Variants in ACTL8 observed in about 807,000 individuals in gnomAD.
ACTL8 encodes the protein actin like 8.
A neutral mutation model predicts 9.3 loss-of-function variants in ACTL8; 3 were observed. That is an observed-to-expected ratio of 0.32 (90% CI 0.15 to 0.83). ACTL8 has a LOEUF of 0.83. Ranked by LOEUF, ACTL8 falls within the 40% of genes least tolerant of loss-of-function variation. The pLI, the probability that ACTL8 is intolerant of heterozygous loss-of-function variation, is 0.57. For missense variants in ACTL8, 381 were observed against 492.2 expected, an observed-to-expected ratio of 0.77 and a Z score of 2.14; for synonymous variants, 224 against 205.9, an observed-to-expected ratio of 1.09 and a Z score of -0.75.
intron 1 of ACTL8, among the ~76,000 whole-genome samples, chr1:17,782,661 C>T (rs1292599636): frequency 6.6e-6 from 1 of 152,204 alleles, no homozygotes; most frequent in Non-Finnish European, 1.5e-5. Flanking sequence ...GGTTGTACTG[C>T]ACCTTAACCA....
At chr1:17,807,790 A>C (rs1195372439) in intron 1 of ACTL8, among the ~76,000 whole-genome samples, 1 of 152,014 alleles carries the variant, frequency 6.6e-6, no homozygotes, top group Non-Finnish European at 1.5e-5. Context: ...TGGGAGTTGA[A>C]TAATGAGAAC....
chr1:17,798,248 A>G (rs2066292741), intron 1 of ACTL8, among the ~76,000 whole-genome samples: 1 of 150,476 alleles, frequency 6.6e-6, no homozygotes, highest in Non-Finnish European at 1.5e-5. Context: ...TCATCACTTC[A>G]TGCCACAAAT....
chr1:17,783,226 G>A (rs1042692758), intron 1 of ACTL8, among the ~76,000 whole-genome samples: 1 of 152,184 alleles, frequency 6.6e-6, no homozygotes, highest in South Asian at 2.1e-4. Context: ...TCCACATGTT[G>A]TGGGAGGGAC....
At chr1:17,814,168 G>C (rs1417055799) in intron 1 of ACTL8, among the ~76,000 whole-genome samples, 1 of 152,114 alleles carries the variant, frequency 6.6e-6, no homozygotes, top group Non-Finnish European at 1.5e-5. Context: ...TTATAATATT[G>C]TAGTTGTACT....
At chr1:17,779,247 C>T (rs567684155) in intron 1 of ACTL8, among the ~76,000 whole-genome samples, 10 of 152,152 alleles carry the variant, frequency 6.6e-5, no homozygotes, top group Non-Finnish European at 1.0e-4. Flanking sequence ...AACCCCTTCT[C>T]ACCTCCTTCA....
intron 1 of ACTL8, among the ~76,000 whole-genome samples, chr1:17,815,118 C>T (rs562154674): frequency 3.3e-5 from 5 of 152,314 alleles, no homozygotes; most frequent in Non-Finnish European, 4.4e-5. Context: ...AGTACCAGTT[C>T]GTAGCTTAGG....
chr1:17,796,754 G>A (rs953699302), intron 1 of ACTL8, among the ~76,000 whole-genome samples: 3 of 152,190 alleles, frequency 2.0e-5, no homozygotes, highest in African/African-American at 7.2e-5. Flanking sequence ...CTAGTCTTCC[G>A]ACCTCTTCAA....
At chr1:17,756,354 T>C (rs1458950192) in intron 1 of ACTL8, among the ~76,000 whole-genome samples, 1 of 151,860 alleles carries the variant, frequency 6.6e-6, no homozygotes, top group East Asian at 1.9e-4. Flanking sequence ...GGTTCTTCCT[T>C]GAGAGCTTTG....
chr1:17,814,653 C>T (rs1210498578), intron 1 of ACTL8, among the ~76,000 whole-genome samples: 9 of 151,888 alleles, frequency 5.9e-5, no homozygotes, highest in Non-Finnish European at 1.2e-4. Flanking sequence ...CAAAACAGGA[C>T]AATACATACC....
At chr1:17,758,596 C>T (rs968436676) in intron 1 of ACTL8, among the ~76,000 whole-genome samples, 1 of 152,150 alleles carries the variant, frequency 6.6e-6, no homozygotes, top group African/African-American at 2.4e-5. Flanking sequence ...GACCTGTGAC[C>T]ATTTACCAAA....
chr1:17,758,429 C>T (rs1339758454), intron 1 of ACTL8, among the ~76,000 whole-genome samples: 2 of 152,228 alleles, frequency 1.3e-5, no homozygotes, highest in Non-Finnish European at 2.9e-5. Flanking sequence ...TAGCCAAAAC[C>T]TGGCAATTGA....
At chr1:17,791,821 G>A (rs1209886627) in intron 1 of ACTL8, among the ~76,000 whole-genome samples, 1 of 152,364 alleles carries the variant, frequency 6.6e-6, no homozygotes, top group South Asian at 2.1e-4. Context: ...CTCCCAGGGG[G>A]ATGGATCCCT....
At chr1:17,793,049 C>T (rs1403886365) in intron 1 of ACTL8, among the ~76,000 whole-genome samples, 1 of 152,198 alleles carries the variant, frequency 6.6e-6, no homozygotes, top group East Asian at 1.9e-4. Flanking sequence ...TCCCATCCAC[C>T]CTGCCCAAGC....
At chr1:17,820,167 T>C (rs1203993375) in intron 1 of ACTL8, among the ~76,000 whole-genome samples, 1 of 152,154 alleles carries the variant, frequency 6.6e-6, no homozygotes, top group Non-Finnish European at 1.5e-5. Flanking sequence ...GGTCATCCCC[T>C]CTCACCACCT....
At chr1:17,806,563 G>C (rs990016178) in intron 1 of ACTL8, among the ~76,000 whole-genome samples, 33 of 152,242 alleles carry the variant, frequency 2.2e-4, no homozygotes, top group African/African-American at 8.0e-4. Context: ...CCCAGGAAGG[G>C]GACTTTGGAG....
intron 1 of ACTL8, among the ~76,000 whole-genome samples, chr1:17,811,116 C>G (rs982040732): frequency 5.9e-5 from 9 of 152,344 alleles, no homozygotes; most frequent in Non-Finnish European, 1.2e-4. Context: ...ATGAGAGTTC[C>G]AATTTCTCCA....
intron 1 of ACTL8, among the ~76,000 whole-genome samples, chr1:17,815,340 C>A (rs1187442796): frequency 6.6e-6 from 1 of 152,174 alleles, no homozygotes; most frequent in Non-Finnish European, 1.5e-5. Context: ...CTTTTTAAAG[C>A]AGTTCTGCTA....
chr1:17,797,670 A>G (rs1578384), intron 1 of ACTL8, among the ~76,000 whole-genome samples: 32,543 of 151,978 alleles, frequency 0.21, 4,270 homozygotes, highest in Admixed American at 0.38. Context: ...CTGGAAGCCC[A>G]CAGGCCTGGG....
At chr1:17,809,785 G>A (rs1570037912) in intron 1 of ACTL8, among the ~76,000 whole-genome samples, 1 of 152,072 alleles carries the variant, frequency 6.6e-6, no homozygotes, top group African/African-American at 2.4e-5. Context: ...GATTCTACAT[G>A]ATGGTGATTT....
Sources: allele counts gnomAD v4.1 joint callset (sites outside exome capture counted in the v4.1 genomes callset), GRCh38; gene constraint gnomAD v4.1.1; transcripts MANE v1.5; gene names NCBI Gene and HGNC (gene_info 2026-07-23, HGNC 2026-07-21).